Variants in TRPC4AP observed in about 807,000 individuals in gnomAD.
TRPC4AP encodes the protein transient receptor potential cation channel subfamily C member 4 associated protein.
In TRPC4AP, 45 loss-of-function variants were observed where a neutral mutation model predicts 99.0. That is an observed-to-expected ratio of 0.45 (90% CI 0.36 to 0.58). The LOEUF (loss-of-function observed/expected upper bound fraction) is 0.58, where lower values mean the gene tolerates loss of function less well. Ranked by LOEUF, TRPC4AP falls within the 20% of genes least tolerant of loss-of-function variation. The probability of loss-of-function intolerance (pLI) is 0.00; values close to 1 mark genes in which losing one functional copy is unlikely to be tolerated. For synonymous variants in TRPC4AP, 408 were observed against 385.8 expected, an observed-to-expected ratio of 1.06 and a Z score of -0.67; for missense variants, 879 against 985.3, an observed-to-expected ratio of 0.89 and a Z score of 1.44.
At chr20:35,038,147 T>A (rs1240397479) in intron 7 of TRPC4AP, among the ~76,000 whole-genome samples, 1 of 147,380 alleles carries the variant, frequency 6.8e-6, no homozygotes. Context: ...TAGATAGAGG[T>A]GGTAGCTGCA....
chr20:35,055,607 A>G (rs978947637), intron 4 of TRPC4AP, among the ~76,000 whole-genome samples: 4 of 152,226 alleles, frequency 2.6e-5, no homozygotes, highest in Non-Finnish European at 5.9e-5. Context: ...TCCTAGGCTC[A>G]AGCAATTTTC....
intron 1 of TRPC4AP, among the ~76,000 whole-genome samples, chr20:35,085,141 A>C (rs1436627053): frequency 6.6e-6 from 1 of 152,224 alleles, no homozygotes; most frequent in Non-Finnish European, 1.5e-5. Flanking sequence ...CTAAGTATGG[A>C]CACTGAACAG....
At chr20:35,085,031 T>C (rs1030801793) in intron 1 of TRPC4AP, among the ~76,000 whole-genome samples, 14 of 152,106 alleles carry the variant, frequency 9.2e-5, no homozygotes, top group African/African-American at 3.1e-4. Flanking sequence ...GCGAAGAAAA[T>C]AGATAGTATC....
At chr20:35,011,284 T>C (rs1403159966) in intron 11 of TRPC4AP, among the ~76,000 whole-genome samples, 1 of 151,982 alleles carries the variant, frequency 6.6e-6, no homozygotes, top group Non-Finnish European at 1.5e-5. Context: ...AGAAAACACA[T>C]TTAATATATC....
At chr20:35,008,403 T>C (rs1482337622) in intron 13 of TRPC4AP, among the ~76,000 whole-genome samples, 2 of 152,148 alleles carry the variant, frequency 1.3e-5, no homozygotes, top group Admixed American at 6.5e-5. Flanking sequence ...AGGGCCCGTA[T>C]CCTAGTTCTC....
intron 4 of TRPC4AP, among the ~76,000 whole-genome samples, chr20:35,055,710 T>C (rs1569127974): frequency 6.6e-6 from 1 of 152,248 alleles, no homozygotes; most frequent in East Asian, 1.9e-4. Flanking sequence ...GCTCTTGTTA[T>C]AAATTTCCAT....
intron 9 of TRPC4AP, among the ~76,000 whole-genome samples, chr20:35,019,104 C>T (rs1295488525): frequency 2.6e-5 from 4 of 152,176 alleles, no homozygotes; most frequent in South Asian, 2.1e-4. Context: ...TGCTCATTAA[C>T]GAGGAGGCCT....
chr20:35,011,486 G>A (rs1292925277), intron 11 of TRPC4AP, among the ~76,000 whole-genome samples: 2 of 152,160 alleles, frequency 1.3e-5, no homozygotes, highest in East Asian at 3.8e-4. Flanking sequence ...CTGCAGCTCA[G>A]TGCCCAGCAT....
At chr20:35,051,241 C>T (rs1289924373) in intron 5 of TRPC4AP, among the ~76,000 whole-genome samples, 3 of 152,018 alleles carry the variant, frequency 2.0e-5, no homozygotes, top group Non-Finnish European at 4.4e-5. Flanking sequence ...AATGGGAACC[C>T]CAAGCTAGGA....
rs539959999 is a variant in TRPC4AP, at chr20:35,057,116, T to C, written c.472+398A>G. Among the ~76,000 whole-genome samples the C allele has an allele frequency of 4.5e-4, 69 of 152,166 alleles. 1 individual carries two copies. Among genetic ancestry groups the C allele is most frequent in the African/African-American group, 1.7e-3 (69 of 41,524 alleles). ...AGTGCATACCAAAACACTCTGACTT[T>C]TTACCATTCACACCCTGGTAATGCC... On this transcript the variant is annotated intron_variant, in intron 4 of 18. Coordinates refer to ENST00000252015, the MANE Select transcript of TRPC4AP (RefSeq NM_015638.3).
intron 1 of TRPC4AP, among the ~76,000 whole-genome samples, chr20:35,092,015 C>G (rs2085081046): frequency 6.6e-6 from 1 of 152,146 alleles, no homozygotes; most frequent in Non-Finnish European, 1.5e-5. Flanking sequence ...GTCTCTGCAC[C>G]CGCTGGAACT....
At chr20:35,057,488 G>T in intron 4 of TRPC4AP, 26 bp downstream of exon 4, 1 of 1,596,276 alleles carries the variant, frequency 6.3e-7, no homozygotes. Flanking sequence ...GGAAAACAAG[G>T]ACCAGTAGCT....
At chr20:35,090,275 T>C (rs6060216) in intron 1 of TRPC4AP, among the ~76,000 whole-genome samples, 88,154 of 150,618 alleles carry the variant, frequency 0.59, 26,777 homozygotes, top group Middle Eastern at 0.74. Flanking sequence ...CTACTTCAAC[T>C]TCTGAAATAG....
At chr20:35,056,981 G>A (rs1362201025) in intron 4 of TRPC4AP, among the ~76,000 whole-genome samples, 8 of 10,908 alleles carry the variant, frequency 7.3e-4, no homozygotes, top group Non-Finnish European at 1.1e-3. Context: ...GCGAGAGACT[G>A]TCTCAAAAAA....
chr20:35,021,120 C>T (rs1280050603), intron 9 of TRPC4AP, 70 bp downstream of exon 9: 1 of 1,540,396 alleles, frequency 6.5e-7, no homozygotes, highest in African/African-American at 1.4e-5. Flanking sequence ...CCCAGTGGAG[C>T]ACCTGGCATA....
At position 35,020,943 on chromosome 20, in the gene TRPC4AP, C is replaced by A. The variant is rs551608296; in HGVS notation, c.1218+247G>T. On this transcript the variant is annotated intron_variant, in intron 9 of 18. Coordinates refer to ENST00000252015, the MANE Select transcript of TRPC4AP (RefSeq NM_015638.3). ...TTCACCTCACAGAGGCAACTGCCTG[C>A]TTCTGCCCTCAGCACCAACCAAGAC... Among the ~76,000 whole-genome samples, 135 of 152,312 alleles carry A rather than the reference C, an allele frequency of 8.9e-4. No homozygotes were observed. In the South Asian group the frequency reaches 0.011, roughly 13 times the overall value.
intron 8 of TRPC4AP, among the ~76,000 whole-genome samples, chr20:35,023,115 A>C (rs1225437293): frequency 1.3e-5 from 2 of 152,196 alleles, no homozygotes; most frequent in African/African-American, 4.8e-5. Flanking sequence ...CAACCTTGGA[A>C]GACGACAAGC....
intron 12 of TRPC4AP, 150 bp downstream of exon 12, chr20:35,010,037 T>C (rs989455829): frequency 1.4e-5 from 9 of 639,230 alleles, no homozygotes; most frequent in Non-Finnish European, 2.2e-5. Flanking sequence ...GTGACATGAA[T>C]ACAATGCCTG....
chr20:35,068,540 A>T (rs1026014614), intron 3 of TRPC4AP, among the ~76,000 whole-genome samples: 1 of 151,422 alleles, frequency 6.6e-6, no homozygotes, highest in African/African-American at 2.4e-5. Context: ...TAACCATTTA[A>T]TTTTTTTTTG....
Sources: gnomAD v4.1 joint callset for allele counts (sites outside exome capture counted in the v4.1 genomes callset) on GRCh38, gnomAD v4.1.1 for gene constraint, MANE v1.5 for transcripts, NCBI Gene and HGNC (gene_info 2026-07-23, HGNC 2026-07-21) for gene names.